POC1B: variants seen among roughly 807,000 people sequenced by gnomAD.
The protein encoded by POC1B is POC1 centriolar protein homolog B.
Under a neutral mutation model 60.6 loss-of-function variants are expected in POC1B, and 44 were observed. The ratio of observed to expected loss-of-function variants is 0.73; its 90% CI spans 0.57 to 0.93. The LOEUF is 0.93. Among genes scored for constraint, POC1B ranks in the 40% least tolerant of loss-of-function variants. The pLI is 0.00. For synonymous variants in POC1B, 180 were observed against 198.9 expected, an observed-to-expected ratio of 0.90 and a Z score of 0.80; for missense variants, 555 against 572.3, an observed-to-expected ratio of 0.97 and a Z score of 0.31.
intron 2 of POC1B, among the ~76,000 whole-genome samples, chr12:89,517,145 C>T (rs1001763690): frequency 8.5e-5 from 13 of 152,124 alleles, no homozygotes; most frequent in South Asian, 2.1e-4. Context: ...CAGGTTCTAC[C>T]CATTCTGGCA....
chr12:89,445,896 T>G (rs1881764235), intron 10 of POC1B, among the ~76,000 whole-genome samples: 1 of 152,036 alleles, frequency 6.6e-6, no homozygotes, highest in Admixed American at 6.5e-5. Flanking sequence ...ACAAAGAACT[T>G]AAACAAATTT....
chr12:89,502,472 G>T (rs562738913), intron 2 of POC1B: 1 of 1,167,184 alleles, frequency 8.6e-7, no homozygotes, highest in South Asian at 1.3e-5. Flanking sequence ...GAAAATATTG[G>T]AAAAGTTGAC....
At chr12:89,472,543 G>C (rs1592610178) in intron 4 of POC1B, 1 of 287,876 alleles carries the variant, frequency 3.5e-6, no homozygotes, top group South Asian at 4.3e-5. Context: ...TGGTTTTATT[G>C]CATCTGCTTT....
chr12:89,471,893 G>A (rs1185840574), intron 5 of POC1B, among the ~76,000 whole-genome samples, 164 bp from the exon 6 acceptor site: 3 of 150,942 alleles, frequency 2.0e-5, no homozygotes, highest in African/African-American at 7.3e-5. Flanking sequence ...TCAGCCTCCC[G>A]AGTAGCTGGA....
intron 7 of POC1B, among the ~76,000 whole-genome samples, chr12:89,469,276 T>A (rs899118476): frequency 1.3e-5 from 2 of 151,924 alleles, no homozygotes; most frequent in African/African-American, 2.4e-5. Context: ...AAAGAAATAA[T>A]AAATTTAAAA....
chr12:89,482,925 C>T (rs1251897100), intron 4 of POC1B, among the ~76,000 whole-genome samples: 69 of 138,592 alleles, frequency 5.0e-4, no homozygotes, highest in African/African-American at 1.7e-3. Flanking sequence ...TAACGCTATT[C>T]TTTTTTTTTT....
At chr12:89,463,261 T>A (rs1882543910) in intron 9 of POC1B, among the ~76,000 whole-genome samples, 1 of 152,220 alleles carries the variant, frequency 6.6e-6, no homozygotes, top group South Asian at 2.1e-4. Flanking sequence ...AAAAAAATCT[T>A]TTTAACCAAT....
chr12:89,413,924 C>T, the POC1B span, among the ~76,000 whole-genome samples: 1 of 152,026 alleles, frequency 6.6e-6, no homozygotes, highest in Admixed American at 6.5e-5. Flanking sequence ...TGGAGTCTTG[C>T]TTTGTCGCCC....
chr12:89,523,028 C>G, intron 2 of POC1B: 1 of 1,613,654 alleles, frequency 6.2e-7, no homozygotes, highest in Non-Finnish European at 8.5e-7. Context: ...TTTTTTTGCT[C>G]AGGTACCTCT....
chr12:89,425,352 G>T lies in POC1B; in HGVS notation c.1141C>A (p.Pro381Thr). The change falls in exon 11 of 12, where the codon CCA (proline) becomes ACA (threonine). Residue 381 changes from proline (P) to threonine (T), a missense_variant. Transcript: ENST00000313546. ...TTTETSGRTL[P>T]DKGEEACGYF... is the part of the protein sequence containing the mutation. ...CCACAGGCCTCTTCACCCTTGTCTG[G>T]CAGAGTCCTACCACTGGTTTCTGTT... 1.9e-6 allele frequency: 3 copies of T among 1,614,036 alleles called. No individual in the cohort carries two copies. Among genetic ancestry groups the T allele is most frequent in the Non-Finnish European group, 2.5e-6 (3 of 1,179,970 alleles).
intron 10 of POC1B, among the ~76,000 whole-genome samples, chr12:89,454,759 A>G (rs1882185322): frequency 6.6e-6 from 1 of 152,080 alleles, no homozygotes; most frequent in African/African-American, 2.4e-5. Context: ...TACTATATAC[A>G]GTTTATTTTT....
intron 7 of POC1B, among the ~76,000 whole-genome samples, chr12:89,469,145 G>A (rs924268928): frequency 6.6e-6 from 1 of 152,116 alleles, no homozygotes; most frequent in South Asian, 2.1e-4. Flanking sequence ...GTGGTGGTGC[G>A]CCTGTACAGA....
At chr12:89,446,979 A>G (rs1335630480) in intron 10 of POC1B, among the ~76,000 whole-genome samples, 1 of 152,188 alleles carries the variant, frequency 6.6e-6, no homozygotes. Context: ...TTGGGATATA[A>G]ACTCCGTGAC....
intron 2 of POC1B, chr12:89,522,598 A>C: frequency 2.2e-6 from 1 of 455,042 alleles, no homozygotes; most frequent in Non-Finnish European, 3.7e-6. Flanking sequence ...TATATAAAAC[A>C]ACCAATAAGT....
At position 89,471,818 on chromosome 12, in the gene POC1B, A is replaced by C. The variant is rs1282428621; in HGVS notation, c.561-89T>G. ...ATCTCACTCTTGTCACCCAGGCTGGAGTGCAGTGGCGCAATGTCAGCTCAC... is the reference window on the plus strand; with the variant it reads ...ATCTCACTCTTGTCACCCAGGCTGGCGTGCAGTGGCGCAATGTCAGCTCAC... On this transcript the variant is annotated intron_variant, in intron 5 of 11. Transcript: ENST00000313546. 6 of 800,240 alleles carry C rather than the reference A, an allele frequency of 7.5e-6. No individual in the cohort carries two copies. In the East Asian group the frequency reaches 1.4e-4, roughly 19 times the overall value. 49.6% of individuals were successfully genotyped at this position (800,240 alleles called of 1,614,324 possible).
chr12:89,444,867 A>C (rs972730631), intron 10 of POC1B, among the ~76,000 whole-genome samples: 2 of 152,226 alleles, frequency 1.3e-5, no homozygotes, highest in African/African-American at 2.4e-5. Context: ...CCATCGTCTC[A>C]GCCCAAAATC....
chr12:89,504,265 G>A (rs1869782762), intron 2 of POC1B, among the ~76,000 whole-genome samples: 2 of 152,250 alleles, frequency 1.3e-5, no homozygotes, highest in South Asian at 4.1e-4. Flanking sequence ...TACTAAGAAA[G>A]ATTCTTCTGC....
Position 89,431,185 on chromosome 12 carries a change from A to C in POC1B, c.1114-5806T>G, listed in dbSNP as rs146736194. Among the ~76,000 whole-genome samples, 392 of 152,322 alleles carry C rather than the reference A, an allele frequency of 2.6e-3. 1 individual carries two copies. Among genetic ancestry groups the C allele is most frequent in the African/African-American group, 9.0e-3 (375 of 41,576 alleles). The stretch of plus-strand genomic sequence containing the variant: ...ATATACATTCAATCAGTTGGTTAAA[A>C]TAAGTTAGTTTTGGTTTACAACTAA... On this transcript the variant is annotated intron_variant, in intron 10 of 11. Transcript: ENST00000313546.
intron 10 of POC1B, among the ~76,000 whole-genome samples, chr12:89,457,408 A>G (rs1298733147): frequency 6.6e-6 from 1 of 152,238 alleles, no homozygotes; most frequent in East Asian, 1.9e-4. Flanking sequence ...AATTTAAAGA[A>G]AAGCCCTTTG....
Sources: gnomAD v4.1 joint callset for allele counts (sites outside exome capture counted in the v4.1 genomes callset) on GRCh38, gnomAD v4.1.1 for gene constraint, MANE v1.5 for transcripts, NCBI Gene and HGNC (gene_info 2026-07-23, HGNC 2026-07-21) for gene names.